Variants in SRD5A1 observed in about 807,000 individuals in gnomAD.
SRD5A1 encodes steroid 5 alpha-reductase 1, also known as 3-oxo-5-alpha-steroid 4-dehydrogenase 1.
Under a neutral mutation model 28.2 loss-of-function variants are expected in SRD5A1, and 22 were observed. That is an observed-to-expected ratio of 0.78 (90% CI 0.56 to 1.12). The LOEUF (loss-of-function observed/expected upper bound fraction) is 1.12. Ranked by LOEUF, SRD5A1 falls within the 50% of genes most tolerant of loss-of-function variation. The pLI, the probability that SRD5A1 is intolerant of heterozygous loss-of-function variation, is 0.00. For missense variants in SRD5A1, 300 were observed against 346.7 expected (o/e 0.87, Z 1.07); for synonymous variants, 151 against 135.0 (o/e 1.12, Z -0.82).
chr5:6,633,896 A>G (rs1560990618), intron 1 of SRD5A1, 27 bp downstream of exon 1: 2 of 1,590,930 alleles, frequency 1.3e-6, no homozygotes, highest in East Asian at 2.3e-5. Context: ...CCGGCCCCCT[A>G]CCCTACTCCC....
intron 1 of SRD5A1, among the ~76,000 whole-genome samples, chr5:6,646,610 C>A (rs960208923): frequency 6.6e-6 from 1 of 151,988 alleles, no homozygotes; most frequent in Non-Finnish European, 1.5e-5. Flanking sequence ...TTCTGTGGGA[C>A]CGGTGGTGAT....
At chr5:6,655,387 C>T (rs1184693737) in intron 2 of SRD5A1, among the ~76,000 whole-genome samples, 1 of 152,240 alleles carries the variant, frequency 6.6e-6, no homozygotes. Flanking sequence ...CCTGCGGATT[C>T]GTAAGAATAG....
intron 3 of SRD5A1, 88 bp from the exon 4 acceptor site, chr5:6,662,728 G>C (rs2126550854): frequency 7.1e-7 from 1 of 1,407,886 alleles, no homozygotes; most frequent in Non-Finnish European, 9.8e-7. Context: ...TTGAATTTAT[G>C]TTCTCCAGGT....
At chr5:6,647,795 T>A (rs1333237098) in intron 1 of SRD5A1, among the ~76,000 whole-genome samples, 1 of 152,234 alleles carries the variant, frequency 6.6e-6, no homozygotes, top group African/African-American at 2.4e-5. Context: ...TATCTGTGAA[T>A]CTGATCCTTT....
intron 4 of SRD5A1, among the ~76,000 whole-genome samples, chr5:6,666,364 G>A (rs550589763): frequency 2.0e-5 from 3 of 152,192 alleles, no homozygotes; most frequent in Non-Finnish European, 2.9e-5. Context: ...CAGCCAGGAT[G>A]GTCTTGATCT....
rs1450501889 is a variant in SRD5A1 at position 6,674,176 on chromosome 5, A to G, written c.*5908A>G. 6.6e-6 allele frequency: 1 copy of G among 151,840 alleles called. No homozygotes were observed. Among genetic ancestry groups the G allele is most frequent in the Non-Finnish European group, 1.5e-5 (1 of 67,966 alleles). 9.4% of individuals were successfully genotyped at this position (151,840 alleles called of 1,614,324 possible). On this transcript the variant is annotated 3_prime_UTR_variant, in exon 5 of 5. Transcript: ENST00000274192. The stretch of plus-strand genomic sequence containing the variant: ...TATCTAAAATGTTATTTAATTATTA[A>G]ATTTAGATGCTACTTAATTTTTGCT...
chr5:6,638,443 A>G (rs73033308), intron 1 of SRD5A1, among the ~76,000 whole-genome samples: 271 of 152,380 alleles, frequency 1.8e-3, no homozygotes, highest in African/African-American at 6.3e-3. Context: ...CAAGCAAGAC[A>G]AAGGAAGCAT....
At position 6,633,787 on chromosome 5, in the gene SRD5A1, T is replaced by G; in HGVS notation, c.211T>G (p.Tyr71Asp). 1.3e-6 allele frequency: 2 copies of G among 1,597,788 alleles called. No individual in the cohort carries two copies. Among genetic ancestry groups the G allele is most frequent in the Non-Finnish European group, 1.7e-6 (2 of 1,179,644 alleles). The change falls in exon 1 of 5, where the codon TAC (tyrosine) becomes GAC (aspartate). Residue 71 changes from tyrosine to aspartate, a missense_variant. This residue lies in a region of SRD5A1 where 174 missense variants were observed against 160.9 expected (regional missense o/e 1.08). Transcript: ENST00000274192. The stretch of plus-strand genomic sequence containing the variant: ...CTCGCTGGCCCTGCCGCTCTACCAG[T>G]ACGCCAGCGAGTCCGCCCCGCGTCT... ...LPSLALPLYQ[Y>D]ASESAPRLRS...
At chr5:6,652,031 TC>T in intron 2 of SRD5A1, 23 bp downstream of exon 2, 1 of 1,597,918 alleles carries the variant, frequency 6.3e-7, no homozygotes, top group Non-Finnish European at 8.6e-7. Context: ...AGCAGTGAAC[TC>T]CGCCTTGTTC....
chr5:6,662,905 G>A lies in SRD5A1; in HGVS notation c.652G>A (p.Gly218Ser). The A allele has an allele frequency of 6.2e-7, 1 of 1,613,936 alleles. No individual in the cohort carries two copies. The highest frequency in any genetic ancestry group is 1.7e-5 in the Admixed American group (1 of 60,032). ...TGCCCTGGCCAGCTGGTCTGTCCAA[G>A]GCGCGGCTTTTGCTTTCTTCACGTT... ...GYALASWSVQ[G>S]AAFAFFTFCF... Residue 218 changes from glycine to serine, a missense_variant, in exon 4 of 5, where the codon GGC becomes AGC. By Grantham distance (56) the Gly-to-Ser change is moderately conservative. Coordinates refer to ENST00000274192, the MANE Select transcript of SRD5A1 (RefSeq NM_001047.4).
chr5:6,662,251 G>A (rs759625614), intron 3 of SRD5A1, among the ~76,000 whole-genome samples: 10 of 152,162 alleles, frequency 6.6e-5, no homozygotes, highest in Admixed American at 5.2e-4. Context: ...TCCCAGCTCC[G>A]GGGCCCCCTC....
Position 6,659,117 on chromosome 5 carries a change from CT to C in SRD5A1, c.562+2952del, listed in dbSNP as rs1202937847. Among the ~76,000 whole-genome samples, 487 of 140,666 alleles carry C rather than the reference CT, an allele frequency of 3.5e-3. 1 individual carries two copies. Among genetic ancestry groups the C allele is most frequent in the Middle Eastern group, 7.3e-3 (2 of 274 alleles). The allele number at this position is 140,666 out of a possible 152,430, so 92.3% of individuals were successfully genotyped here. On this transcript the variant is annotated intron_variant, in intron 3 of 4. Transcript: ENST00000274192. ...GAGACCCTGTCTCAAAAAAAAAAAT[CT>C]TTTTTTTTTTTTTGAGACGGGGTCT... is the stretch of plus-strand genomic sequence containing the variant.
chr5:6,637,413 G>A (rs1324490846), intron 1 of SRD5A1, among the ~76,000 whole-genome samples: 4 of 152,156 alleles, frequency 2.6e-5, no homozygotes, highest in South Asian at 2.1e-4. Flanking sequence ...CTCTACCCTC[G>A]TTTGTAAATC....
intron 4 of SRD5A1, among the ~76,000 whole-genome samples, chr5:6,667,314 A>G (rs8192249): frequency 0.025 from 3,811 of 152,312 alleles, 53 homozygotes; most frequent in Non-Finnish European, 0.029. Context: ...CAGAACATAC[A>G]AAAGTAAACG....
chr5:6,654,061 ATTT>A (rs200581557), intron 2 of SRD5A1, among the ~76,000 whole-genome samples: 1 of 149,650 alleles, frequency 6.7e-6, no homozygotes, highest in East Asian at 1.9e-4. Context: ...ATAATAATAT[ATTT>A]TTTTTTTTGA....
chr5:6,649,343 T>C (rs765899638), intron 1 of SRD5A1, among the ~76,000 whole-genome samples: 1 of 152,174 alleles, frequency 6.6e-6, no homozygotes, highest in Non-Finnish European at 1.5e-5. Context: ...CCCCAGGTGC[T>C]CTGTCCCAGG....
Position 6,633,795 on chromosome 5 carries a change from C to G in SRD5A1, c.219C>G (p.Ser73Arg), listed in dbSNP as rs747067800. The change falls in exon 1 of 5, where the codon AGC becomes AGG. Residue 73 changes from serine to arginine, a missense_variant. Physicochemically the swap from Ser to Arg is moderately radical, Grantham distance 110. This residue lies in a region of SRD5A1 where 174 missense variants were observed against 160.9 expected (regional missense o/e 1.08). Coordinates refer to ENST00000274192, the MANE Select transcript of SRD5A1 (RefSeq NM_001047.4). ...SLALPLYQYASESAPRLRSAP... is the reference protein window; with the variant it reads ...SLALPLYQYARESAPRLRSAP... ...CCCTGCCGCTCTACCAGTACGCCAGCGAGTCCGCCCCGCGTCTCCGCAGCG... is the reference window on the plus strand; with the variant it reads ...CCCTGCCGCTCTACCAGTACGCCAGGGAGTCCGCCCCGCGTCTCCGCAGCG... 9.9e-5 allele frequency: 158 copies of G among 1,597,672 alleles called. No homozygotes were observed. The highest frequency in any genetic ancestry group is 1.3e-4 in the Non-Finnish European group (148 of 1,179,634).
intron 1 of SRD5A1, among the ~76,000 whole-genome samples, chr5:6,646,307 G>A (rs1255389416): frequency 6.6e-6 from 1 of 152,152 alleles, no homozygotes. Flanking sequence ...ATAAACATAC[G>A]TGTACATGTG....
chr5:6,649,845 C>T lies in SRD5A1; in HGVS notation c.294-1997C>T, dbSNP rs965495900. Among the ~76,000 whole-genome samples, 7 of 152,292 alleles carry T rather than the reference C, an allele frequency of 4.6e-5. No individual in the cohort carries two copies. In the East Asian group the frequency reaches 5.8e-4, roughly 13 times the overall value. Reference sequence around the variant, plus strand: ...AATCACCCACCTTCTGTGTCGATCTCGCTGGGAGCTGCAAGACCGGAGCTG... The same window carrying T: ...AATCACCCACCTTCTGTGTCGATCTTGCTGGGAGCTGCAAGACCGGAGCTG... On this transcript the variant is annotated intron_variant, in intron 1 of 4. Coordinates refer to ENST00000274192, the MANE Select transcript of SRD5A1 (RefSeq NM_001047.4).
Sources: gnomAD v4.1 joint callset for allele counts (sites outside exome capture counted in the v4.1 genomes callset) on GRCh38, gnomAD v4.1.1 for gene constraint, gnomAD v4.1.1 regional missense constraint, MANE v1.5 for transcripts, NCBI Gene and HGNC (gene_info 2026-07-23, HGNC 2026-07-21) for gene names.